SPTLC3: variants seen among roughly 807,000 people sequenced by gnomAD.
The protein encoded by SPTLC3 is serine palmitoyltransferase long chain base subunit 3.
SPTLC3 carries 36 observed loss-of-function variants against 59.3 expected under a neutral mutation model. The observed-to-expected ratio is 0.61, with a 90% CI of 0.47 to 0.80. The LOEUF (loss-of-function observed/expected upper bound fraction) is 0.80, where lower values mean the gene tolerates loss of function less well. SPTLC3 is among the 30% of genes least tolerant of loss of function. SPTLC3 has a pLI of 0.00. For missense variants in SPTLC3, 625 were observed against 685.1 expected (o/e 0.91, Z 0.98); for synonymous variants, 257 against 240.8 (o/e 1.07, Z -0.62).
rs1217717407 is a variant in SPTLC3 at position 13,154,081 on chromosome 20, A to G, written c.1358A>G (p.Tyr453Cys). 39 of 1,614,020 alleles carry G rather than the reference A, an allele frequency of 2.4e-5. No homozygotes were observed. The highest frequency in any genetic ancestry group is 1.3e-4 in the Admixed American group (8 of 59,998). ...QRLQEMGFII[Y>C]GNENASVVPL... is the part of the protein sequence containing the mutation. ...CTGCAGGAAATGGGATTCATTATCT[A>G]TGGCAATGAGAATGCTTCTGTTGTT... The change falls in exon 10 of 12, where the codon TAT (tyrosine) becomes TGT (cysteine). Residue 453 changes from tyrosine (Y) to cysteine (C), a missense_variant. Tyr to Cys is a radical substitution (Grantham distance 194). Transcript: ENST00000399002.
Position 13,009,096 on chromosome 20 carries a change from C to G in SPTLC3, c.-172C>G, listed in dbSNP as rs1337814617. The G allele has an allele frequency of 1.6e-6, 1 of 625,460 alleles. No homozygotes were observed. The highest frequency in any genetic ancestry group is 2.7e-5 in the East Asian group (1 of 37,622). The allele number at this position is 625,460 out of a possible 1,614,324, so 38.7% of individuals were successfully genotyped here. On this transcript the variant is annotated 5_prime_UTR_variant, in exon 1 of 12. Transcript: ENST00000399002. ...AGGTAACCATTTGTTTTAGTTTCAACGATCTGACAAAAAGATAGGCTGTTG... is the reference window on the plus strand; with the variant it reads ...AGGTAACCATTTGTTTTAGTTTCAAGGATCTGACAAAAAGATAGGCTGTTG...
chr20:13,077,335 G>C (rs1257412268), intron 4 of SPTLC3, among the ~76,000 whole-genome samples: 3 of 150,386 alleles, frequency 2.0e-5, no homozygotes, highest in African/African-American at 7.3e-5. Flanking sequence ...ATAAATAAAT[G>C]ATATAGAAGA....
intron 2 of SPTLC3, among the ~76,000 whole-genome samples, chr20:13,066,897 C>A (rs74403574): frequency 0.016 from 2,200 of 140,494 alleles, 30 homozygotes; most frequent in Non-Finnish European, 0.024. Flanking sequence ...TTTTCTTTAT[C>A]CTTTTCACTG....
chr20:13,108,627 T>C (rs1291626549), intron 6 of SPTLC3, among the ~76,000 whole-genome samples: 13 of 152,172 alleles, frequency 8.5e-5, no homozygotes, highest in Non-Finnish European at 1.6e-4. Context: ...CAGGCTGAAG[T>C]GCAGTGGTGT....
chr20:13,059,769 A>T (rs1298696711), intron 2 of SPTLC3, among the ~76,000 whole-genome samples: 1 of 152,086 alleles, frequency 6.6e-6, no homozygotes, highest in Non-Finnish European at 1.5e-5. Flanking sequence ...TGGAGCCCTC[A>T]AGCCCTTGAT....
chr20:13,080,553 C>T (rs994995261), intron 4 of SPTLC3, among the ~76,000 whole-genome samples: 1 of 148,704 alleles, frequency 6.7e-6, no homozygotes, highest in African/African-American at 2.5e-5. Flanking sequence ...GATAGTGTGA[C>T]ATTTCTCAAC....
chr20:13,141,110 G>T (rs2038372414), intron 9 of SPTLC3, among the ~76,000 whole-genome samples: 1 of 152,202 alleles, frequency 6.6e-6, no homozygotes, highest in Admixed American at 6.5e-5. Context: ...GGAAAGAAAG[G>T]AGTACACTGG....
chr20:13,107,045 G>A (rs1311066991), intron 6 of SPTLC3, among the ~76,000 whole-genome samples: 1 of 152,172 alleles, frequency 6.6e-6, no homozygotes, highest in Admixed American at 6.5e-5. Flanking sequence ...AAATGGGTTT[G>A]AGGTTCCCAT....
chr20:13,092,803 G>A (rs532831237), intron 5 of SPTLC3, among the ~76,000 whole-genome samples: 2 of 151,980 alleles, frequency 1.3e-5, no homozygotes, highest in Admixed American at 6.6e-5. Flanking sequence ...AAAAGACAAA[G>A]GTCCACCATA....
rs56217510 is a variant in SPTLC3 at position 13,163,367 on chromosome 20, C to CAAA, written c.1546-1366_1546-1364dup. On this transcript the variant is annotated intron_variant, in intron 11 of 11. Coordinates refer to ENST00000399002, the MANE Select transcript of SPTLC3 (RefSeq NM_018327.4). ...TGGGCAACAGAGTGAGACGCTGTCT[C>CAAA]AAAAAAAAAAAAAAAAAAAAAAATA... Among the ~76,000 whole-genome samples, 64 of 90,046 alleles carry CAAA rather than the reference C, an allele frequency of 7.1e-4. 1 individual carries two copies. Among genetic ancestry groups the CAAA allele is most frequent in the Non-Finnish European group, 1.0e-3 (47 of 45,432 alleles). The allele number at this position is 90,046 out of a possible 152,430, so 59.1% of individuals were successfully genotyped here.
chr20:13,040,901 T>A, intron 1 of SPTLC3, among the ~76,000 whole-genome samples: 1 of 151,960 alleles, frequency 6.6e-6, no homozygotes, highest in East Asian at 1.9e-4. Context: ...GCATTTTGAA[T>A]ATGTCATCCC....
chr20:13,132,407 C>T (rs2038141636), intron 9 of SPTLC3, among the ~76,000 whole-genome samples: 1 of 151,996 alleles, frequency 6.6e-6, no homozygotes, highest in South Asian at 2.1e-4. Flanking sequence ...GAGCTCCCGA[C>T]CTCAAGTAGT....
chr20:13,092,255 T>C (rs1989249283), intron 5 of SPTLC3, among the ~76,000 whole-genome samples: 1 of 152,236 alleles, frequency 6.6e-6, no homozygotes, highest in African/African-American at 2.4e-5. Context: ...TGAAAGCAGG[T>C]GCCAAATGGC....
intron 7 of SPTLC3, among the ~76,000 whole-genome samples, chr20:13,111,425 G>A (rs747922392): frequency 6.6e-6 from 1 of 152,198 alleles, no homozygotes; most frequent in Non-Finnish European, 1.5e-5. Flanking sequence ...GCATATGGTG[G>A]ACAGAGGCCA....
chr20:13,154,174 C>G, intron 10 of SPTLC3, 36 bp downstream of exon 10: 1 of 1,610,760 alleles, frequency 6.2e-7, no homozygotes, highest in Non-Finnish European at 8.5e-7. Context: ...CACACCTAAA[C>G]CCCAAGGTGA....
Position 13,164,843 on chromosome 20 carries a change from G to A in SPTLC3, c.1635G>A (p.Glu545=). 6.2e-7 allele frequency: 1 copy of A among 1,613,466 alleles called. No homozygotes were observed. The highest frequency in any genetic ancestry group is 8.5e-7 in the Non-Finnish European group (1 of 1,179,698). The change falls in exon 12 of 12, where the codon GAG becomes GAA. Residue 545 remains glutamate (E), a synonymous_variant. Transcript: ENST00000399002. ...CAGCACGTCCTGAGCTCTATGATGAGACGAGCTTTGAACTCGAAGATTAAG... is the reference window on the plus strand; with the variant it reads ...CAGCACGTCCTGAGCTCTATGATGAAACGAGCTTTGAACTCGAAGATTAAG... ...KKSARPELYD[E]TSFELED
At chr20:13,021,100 T>A (rs546753836) in intron 1 of SPTLC3, among the ~76,000 whole-genome samples, 2 of 152,314 alleles carry the variant, frequency 1.3e-5, no homozygotes, top group South Asian at 4.1e-4. Context: ...ACTTGACCTG[T>A]CTGCAGCATT....
intron 6 of SPTLC3, among the ~76,000 whole-genome samples, chr20:13,099,296 C>T (rs1174578377): frequency 6.6e-6 from 1 of 152,118 alleles, no homozygotes; most frequent in East Asian, 1.9e-4. Flanking sequence ...TCCCTAGAAG[C>T]CGGAAAAACC....
At chr20:13,122,385 G>A (rs1437312993) in intron 8 of SPTLC3, among the ~76,000 whole-genome samples, 1 of 152,210 alleles carries the variant, frequency 6.6e-6, no homozygotes, top group Non-Finnish European at 1.5e-5. Flanking sequence ...CTGGGTTAGG[G>A]AAAGTACCGC....
Sources: allele counts gnomAD v4.1 joint callset (sites outside exome capture counted in the v4.1 genomes callset), GRCh38; gene constraint gnomAD v4.1.1; transcripts MANE v1.5; gene names NCBI Gene and HGNC (gene_info 2026-07-23, HGNC 2026-07-21).